C16orf95: variants seen among roughly 807,000 people sequenced by gnomAD.
The protein encoded by C16orf95 is uncharacterized protein C16orf95.
Under a neutral mutation model 32.1 loss-of-function variants are expected in C16orf95, and 41 were observed. That is an observed-to-expected ratio of 1.28 (90% CI 1.00 to 1.66). The LOEUF (loss-of-function observed/expected upper bound fraction) is 1.66, where lower values mean the gene tolerates loss of function less well. Ranked by LOEUF, C16orf95 falls within the 40% of genes most tolerant of loss-of-function variation. C16orf95 has a pLI of 0.00. For synonymous variants in C16orf95, 147 were observed against 128.9 expected (o/e 1.14, Z -0.95); for missense variants, 399 against 325.9 (o/e 1.22, Z -1.73).
At position 87,302,910 on chromosome 16, in the gene C16orf95, G is replaced by T; in HGVS notation, c.*147C>A. 3.7e-6 allele frequency: 3 copies of T among 817,422 alleles called. No individual in the cohort carries two copies. The highest frequency in any genetic ancestry group is 6.0e-6 in the Non-Finnish European group (3 of 500,998). The allele number at this position is 817,422 out of a possible 1,614,324, so 50.6% of individuals were successfully genotyped here. Reference sequence around the variant, plus strand: ...GCTACAACCAAGAATCACCTGATGAGAAATCATTTGGGTTGAATCCTGGGT... The same window carrying T: ...GCTACAACCAAGAATCACCTGATGATAAATCATTTGGGTTGAATCCTGGGT... On this transcript the variant is annotated 3_prime_UTR_variant, in exon 7 of 7. Transcript: ENST00000567970.
rs188660937 is a variant in C16orf95, at chr16:87,305,879, G to A, written c.541C>T (p.His181Tyr). The A allele has an allele frequency of 8.5e-5, 123 of 1,440,428 alleles. No individual in the cohort carries two copies. In the African/African-American group the frequency reaches 1.5e-3, roughly 18 times the overall value. The allele number at this position is 1,440,428 out of a possible 1,614,324, so 89.2% of individuals were successfully genotyped here. A position where few individuals can be genotyped will look rare whatever the true frequency, so the allele number is the denominator to read the frequency against. ...TCACCGCAGATCCGCCAGCAGTTGTGCCAGCAGCATGCATCCAGCAGGGGT... is the reference window on the plus strand; with the variant it reads ...TCACCGCAGATCCGCCAGCAGTTGTACCAGCAGCATGCATCCAGCAGGGGT... ...QAPLLDACCW[H>Y]NCWRICGDEC... Residue 181 changes from histidine (H) to tyrosine (Y), a missense_variant, in exon 6 of 7, where the codon CAC (histidine) becomes TAC (tyrosine). Coordinates refer to ENST00000567970, the MANE Select transcript of C16orf95 (RefSeq NM_001195124.3). This position sits in a 1 kb window ranked among gnomAD's most constrained non-coding sequence, Gnocchi z 4.2.
chr16:87,309,372 CTTTTTTTTTTTTTTTT>C (rs10551847), intron 5 of C16orf95, among the ~76,000 whole-genome samples: 1 of 86,070 alleles, frequency 1.2e-5, no homozygotes, highest in Non-Finnish European at 2.0e-5. Flanking sequence ...TCTTTCTTTT[CTTTTTTTTTTTTTTTT>C]TTTTTTTTTT....
intron 1 of C16orf95, 22 bp from the exon 2 acceptor site, chr16:87,315,845 G>C (rs759078167): frequency 1.3e-6 from 2 of 1,521,862 alleles, no homozygotes; most frequent in Non-Finnish European, 1.8e-6. Flanking sequence ...GAACAGAAAA[G>C]CTTAGGGTTT....
intron 6 of C16orf95, among the ~76,000 whole-genome samples, chr16:87,304,634 G>C (rs1302818484): frequency 1.3e-5 from 2 of 152,218 alleles, no homozygotes; most frequent in Non-Finnish European, 2.9e-5. Context: ...ATGGCCTGGA[G>C]AGGCTGGCGC....
intron 3 of C16orf95, among the ~76,000 whole-genome samples, chr16:87,311,697 G>T (rs1168476530): frequency 1.3e-5 from 2 of 152,210 alleles, no homozygotes; most frequent in Non-Finnish European, 1.5e-5. Flanking sequence ...GGCTCTGCTG[G>T]CATCTTAACA....
At chr16:87,308,029 G>A (rs1911104697) in intron 5 of C16orf95, among the ~76,000 whole-genome samples, 1 of 152,162 alleles carries the variant, frequency 6.6e-6, no homozygotes, top group Non-Finnish European at 1.5e-5. Context: ...GCTGTAAGGT[G>A]GATGCCTAAT....
intron 4 of C16orf95, 125 bp downstream of exon 4, chr16:87,311,025 A>ACTG: frequency 1.1e-6 from 1 of 940,338 alleles, no homozygotes; most frequent in African/African-American, 1.6e-5. Context: ...TTCTCTGGAC[A>ACTG]CCAGCAGAGG....
chr16:87,316,330 G>A (rs1206504184), intron 1 of C16orf95, among the ~76,000 whole-genome samples: 1 of 152,158 alleles, frequency 6.6e-6, no homozygotes, highest in Admixed American at 6.5e-5. Context: ...TACACAGCCT[G>A]TGTGGCTCTT....
rs777146365 is a variant in C16orf95, at chr16:87,311,155, G to A, written c.472C>T (p.Gln158Ter). 57 of 1,528,230 alleles carry A rather than the reference G, an allele frequency of 3.7e-5. No homozygotes were observed. The Middle Eastern group carries it at 5.0e-4, about 13-fold the overall frequency. The allele number at this position is 1,528,230 out of a possible 1,614,324, so 94.7% of individuals were successfully genotyped here. A position where few individuals can be genotyped will look rare whatever the true frequency, so the allele number is the denominator to read the frequency against. ...YWVPQVLRSQ[Q>*]QIVRRQQSLK... ...AGTGTGCGCCTCCTCCTTACCTGCT[G>A]CTGAGACCTCAGGACCTGGGGCACC... The change falls in exon 4 of 7, where the codon CAG (glutamine) becomes TAG (stop). Residue 158 changes from glutamine (Q) to a stop codon, truncating the protein, a stop_gained. Transcript: ENST00000567970. LOFTEE classifies it high-confidence loss of function.
chr16:87,315,057 T>G lies in C16orf95; in HGVS notation c.244A>C (p.Thr82Pro), dbSNP rs61748957. 215 of 1,536,040 alleles carry G rather than the reference T, an allele frequency of 1.4e-4. No homozygotes were observed. The Middle Eastern group carries it at 1.8e-3, about 13-fold the overall frequency. Residue 82 changes from threonine to proline, a missense_variant, in exon 3 of 7, where the codon ACC (threonine) becomes CCC (proline). By Grantham distance (38) the Thr-to-Pro change is conservative. Transcript: ENST00000567970. ...GPWAICCECQ[T>P]RFGGRLPVSR... is the part of the protein sequence containing the mutation. The stretch of plus-strand genomic sequence containing the variant: ...ACAGGCAGGCGGCCCCCGAATCTGG[T>G]CTGGCATTCACAGCAGATGGCCCAG...
intron 6 of C16orf95, among the ~76,000 whole-genome samples, chr16:87,304,911 G>A (rs1910942269): frequency 6.6e-6 from 1 of 152,362 alleles, no homozygotes; most frequent in African/African-American, 2.4e-5. Flanking sequence ...TTGCATGGAG[G>A]AGACAACGAG....
chr16:87,310,689 T>C (rs1328786876), intron 4 of C16orf95, among the ~76,000 whole-genome samples: 1 of 151,998 alleles, frequency 6.6e-6, no homozygotes, highest in Non-Finnish European at 1.5e-5. Context: ...CATCTACTGG[T>C]GGTCCGTCCC....
At chr16:87,313,067 A>T (rs1481438698) in intron 3 of C16orf95, among the ~76,000 whole-genome samples, 1 of 152,164 alleles carries the variant, frequency 6.6e-6, no homozygotes, top group Non-Finnish European at 1.5e-5. Flanking sequence ...GGGTCAAAAG[A>T]TTCAATATTT....
At chr16:87,315,349 A>C (rs2150656546) in intron 2 of C16orf95, among the ~76,000 whole-genome samples, 1 of 152,316 alleles carries the variant, frequency 6.6e-6, no homozygotes, top group Non-Finnish European at 1.5e-5. Context: ...GCTGTGCTAC[A>C]ATGAGCAAGT....
chr16:87,310,653 G>C (rs565565443), intron 4 of C16orf95, among the ~76,000 whole-genome samples: 2 of 152,178 alleles, frequency 1.3e-5, no homozygotes, highest in Non-Finnish European at 2.9e-5. Context: ...CTGTGGAGGC[G>C]GCCAGCAAGA....
chr16:87,308,705 C>G (rs944382315), intron 5 of C16orf95, among the ~76,000 whole-genome samples: 7 of 152,158 alleles, frequency 4.6e-5, no homozygotes, highest in African/African-American at 1.7e-4. Context: ...CTGGCAAAGC[C>G]ATGTTTTCAC....
Position 87,317,245 on chromosome 16 carries a change from G to A in C16orf95, c.-3C>T, listed in dbSNP as rs1452136325. 2.0e-6 allele frequency: 3 copies of A among 1,516,464 alleles called. No individual in the cohort carries two copies. The highest frequency in any genetic ancestry group is 4.2e-5 in the Admixed American group (2 of 47,906). The allele number at this position is 1,516,464 out of a possible 1,614,324, so 93.9% of individuals were successfully genotyped here. On this transcript the variant is annotated 5_prime_UTR_variant, in exon 1 of 7. Transcript: ENST00000567970. ...GGTGGGGACCGGCTCGCACGCATATGGCTTCTTATGGCTGACGCGCCCTTT... is the reference window on the plus strand; with the variant it reads ...GGTGGGGACCGGCTCGCACGCATATAGCTTCTTATGGCTGACGCGCCCTTT...
intron 1 of C16orf95, among the ~76,000 whole-genome samples, chr16:87,316,757 G>C (rs904493670): frequency 6.6e-6 from 1 of 152,138 alleles, no homozygotes; most frequent in Non-Finnish European, 1.5e-5. Flanking sequence ...TGTTGAGGTT[G>C]ATAATCTGAT....
chr16:87,308,942 T>C (rs1254914690), intron 5 of C16orf95, among the ~76,000 whole-genome samples: 6 of 152,212 alleles, frequency 3.9e-5, no homozygotes. Context: ...TCATCAGTCC[T>C]CTTCAGTTAG....
Sources: allele counts gnomAD v4.1 joint callset (sites outside exome capture counted in the v4.1 genomes callset), GRCh38; gene constraint gnomAD v4.1.1; non-coding constraint Gnocchi (gnomAD v3.1); transcripts MANE v1.5; gene names NCBI Gene and HGNC (gene_info 2026-07-23, HGNC 2026-07-21).